PRR16: variants seen among roughly 807,000 people sequenced by gnomAD.
The protein encoded by PRR16 is proline rich 16.
Under a neutral mutation model 18.2 loss-of-function variants are expected in PRR16, and 6 were observed. The observed-to-expected ratio is 0.33, with a 90% CI of 0.18 to 0.65. PRR16 has a LOEUF of 0.65. Ranked by LOEUF, PRR16 falls within the 30% of genes least tolerant of loss-of-function variation. The pLI, the probability that PRR16 is intolerant of heterozygous loss-of-function variation, is 0.74. For missense variants in PRR16, 412 were observed against 376.6 expected, an observed-to-expected ratio of 1.09 and a Z score of -0.78; for synonymous variants, 151 against 147.8, an observed-to-expected ratio of 1.02 and a Z score of -0.16.
intron 1 of PRR16, among the ~76,000 whole-genome samples, chr5:120,611,506 C>T (rs1053646691): frequency 1.6e-4 from 25 of 152,138 alleles, no homozygotes; most frequent in Admixed American, 1.5e-3. Context: ...GGACTTGGTG[C>T]CCTGTGTACC....
At position 120,489,480 on chromosome 5, in the gene PRR16, C is replaced by A. The variant is rs553816392; in HGVS notation, c.159+24835C>A. 3.0e-4 allele frequency among the ~76,000 whole-genome samples: 45 copies of A among 152,212 alleles called. No homozygotes were observed. The East Asian group carries it at 8.3e-3, about 28-fold the overall frequency. On this transcript the variant is annotated intron_variant, in intron 1 of 1. Coordinates refer to ENST00000407149, the MANE Select transcript of PRR16 (RefSeq NM_001300783.2). ...TCAGAGACTAGGATTGCAGCCCCTG[C>A]CTTTTTTTGTTTTCCATTTGCTTGG...
At chr5:120,602,936 CT>C (rs1466926121) in intron 1 of PRR16, among the ~76,000 whole-genome samples, 1 of 151,996 alleles carries the variant, frequency 6.6e-6, no homozygotes, top group Non-Finnish European at 1.5e-5. Flanking sequence ...GGTGGATTAG[CT>C]TTTTGATGTG....
intron 1 of PRR16, among the ~76,000 whole-genome samples, chr5:120,670,546 A>AC (rs1756564072): frequency 6.6e-6 from 1 of 152,116 alleles, no homozygotes; most frequent in Non-Finnish European, 1.5e-5. Context: ...CAAATATTAA[A>AC]CCCTCTCTTT....
intron 1 of PRR16, among the ~76,000 whole-genome samples, chr5:120,589,826 TG>T (rs1449788853): frequency 6.6e-6 from 1 of 152,114 alleles, no homozygotes; most frequent in African/African-American, 2.4e-5. Flanking sequence ...AGATGAGATT[TG>T]GGTGGGGACA....
At chr5:120,689,216 G>C (rs114119455), downstream of PRR16, among the ~76,000 whole-genome samples, 2 of 152,120 alleles carry the variant, frequency 1.3e-5, no homozygotes, top group Non-Finnish European at 2.9e-5. Context: ...TTAATGCATG[G>C]AATATATTGT....
chr5:120,762,121 C>CAGTT, the PRR16 span, among the ~76,000 whole-genome samples: 4 of 152,100 alleles, frequency 2.6e-5, no homozygotes, highest in Admixed American at 6.6e-5. Context: ...CGTTGATGGA[C>CAGTT]AGTTAGGCTG....
chr5:120,534,685 G>C (rs1580696766), intron 1 of PRR16, among the ~76,000 whole-genome samples: 1 of 151,962 alleles, frequency 6.6e-6, no homozygotes, highest in Non-Finnish European at 1.5e-5. Context: ...TTTGTTTTCA[G>C]CATATTTCTA....
chr5:120,629,346 A>G (rs999016808), intron 1 of PRR16, among the ~76,000 whole-genome samples: 3 of 152,122 alleles, frequency 2.0e-5, no homozygotes, highest in African/African-American at 7.2e-5. Flanking sequence ...ATACTCAATA[A>G]TGAGATTGCT....
intron 1 of PRR16, among the ~76,000 whole-genome samples, chr5:120,590,771 A>G (rs529443221): frequency 1.7e-3 from 266 of 152,246 alleles, no homozygotes; most frequent in Middle Eastern, 3.4e-3. Context: ...GACCTTGACT[A>G]TAAAGTCAAG....
chr5:120,506,066 T>C (rs1297271791), intron 1 of PRR16, among the ~76,000 whole-genome samples: 1 of 151,720 alleles, frequency 6.6e-6, no homozygotes, highest in Non-Finnish European at 1.5e-5. Flanking sequence ...ATGAAACTTT[T>C]CTTGCCTTCA....
chr5:120,499,132 G>A (rs549142583), intron 1 of PRR16, among the ~76,000 whole-genome samples: 4 of 149,644 alleles, frequency 2.7e-5, no homozygotes, highest in South Asian at 2.1e-4. Flanking sequence ...TTTTAAAGAC[G>A]GAGTTCCGCT....
At chr5:120,617,899 A>T (rs1382050538) in intron 1 of PRR16, among the ~76,000 whole-genome samples, 1 of 151,978 alleles carries the variant, frequency 6.6e-6, no homozygotes, top group East Asian at 1.9e-4. Context: ...AAGGTCAATA[A>T]TTTTTTTTAT....
chr5:120,701,824 G>A, the PRR16 span, among the ~76,000 whole-genome samples: 72 of 152,234 alleles, frequency 4.7e-4, no homozygotes, highest in Admixed American at 1.2e-3. Context: ...ATGCCTGGAC[G>A]TCAGGCACCT....
chr5:120,567,983 A>G (rs1193326999), intron 1 of PRR16, among the ~76,000 whole-genome samples: 1 of 152,150 alleles, frequency 6.6e-6, no homozygotes, highest in Non-Finnish European at 1.5e-5. Context: ...TGTCTATTGG[A>G]TATAGCTGCA....
the PRR16 span, among the ~76,000 whole-genome samples, chr5:120,765,479 G>A: frequency 6.6e-6 from 1 of 152,084 alleles, no homozygotes; most frequent in East Asian, 1.9e-4. Context: ...AGTTTTTAGA[G>A]TTTTCAAAGT....
At chr5:120,707,997 TGA>T in the PRR16 span, among the ~76,000 whole-genome samples, 1 of 152,168 alleles carries the variant, frequency 6.6e-6, no homozygotes, top group South Asian at 2.1e-4. Context: ...CTTCTAAGAA[TGA>T]AAAAACAAAA....
chr5:120,679,198 C>G (rs1018340558), intron 1 of PRR16, among the ~76,000 whole-genome samples: 1 of 152,158 alleles, frequency 6.6e-6, no homozygotes, highest in Admixed American at 6.5e-5. Flanking sequence ...AAGTCCTCCA[C>G]AGACCCAAAT....
intron 1 of PRR16, among the ~76,000 whole-genome samples, chr5:120,563,725 C>T (rs1036352875): frequency 6.6e-6 from 1 of 152,176 alleles, no homozygotes. Context: ...ATTGCTCTAC[C>T]CCACTGTGGC....
intron 1 of PRR16, among the ~76,000 whole-genome samples, chr5:120,534,096 T>A (rs1245448487): frequency 6.6e-6 from 1 of 152,118 alleles, no homozygotes; most frequent in African/African-American, 2.4e-5. Flanking sequence ...TTATTAGACA[T>A]CCACATAGAC....
Sources: gnomAD v4.1 joint callset for allele counts (sites outside exome capture counted in the v4.1 genomes callset) on GRCh38, gnomAD v4.1.1 for gene constraint, MANE v1.5 for transcripts, NCBI Gene and HGNC (gene_info 2026-07-23, HGNC 2026-07-21) for gene names.